The following APBA3 variants were observed in gnomAD, a reference collection of about 807,000 sequenced individuals.
APBA3 encodes the protein amyloid-beta A4 precursor protein-binding family A member 3.
A neutral mutation model predicts 55.9 loss-of-function variants in APBA3; 45 were observed. The observed-to-expected ratio is 0.80, with a 90% confidence interval of 0.63 to 1.03. The LOEUF is 1.03. Among genes scored for constraint, APBA3 ranks in the 50% least tolerant of loss-of-function variants. The pLI, the probability that APBA3 is intolerant of heterozygous loss-of-function variation, is 0.00. For missense variants in APBA3, 865 were observed against 820.3 expected (o/e 1.05, Z -0.67); for synonymous variants, 370 against 353.3 (o/e 1.05, Z -0.53).
Position 3,752,500 on chromosome 19 carries a change from A to C in APBA3, c.1395+8T>G, listed in dbSNP as rs776786514. On this transcript the variant is annotated splice_region_variant and intron_variant, in intron 8 of 10. Coordinates refer to ENST00000316757, the MANE Select transcript of APBA3 (RefSeq NM_004886.4). ...AGTGTGGGGGCCCTGCCACACCAGG[A>C]AACTCACGCGGACAGCGGCCTGGCA... 2 of 1,562,710 alleles carry C rather than the reference A, an allele frequency of 1.3e-6. No homozygotes were observed. The highest frequency in any genetic ancestry group is 1.3e-5 in the African/African-American group (1 of 74,242).
chr19:3,754,449 G>T, intron 3 of APBA3, 109 bp from the exon 4 acceptor site: 1 of 1,410,780 alleles, frequency 7.1e-7, no homozygotes, highest in Non-Finnish European at 9.5e-7. Context: ...CTAGCTGGTG[G>T]CTTAGCACTC....
In APBA3 at chr19:3,759,862, CAGGCTCTAG is replaced by C; in HGVS notation, c.394_402del (p.Leu132_Pro134del). Reference sequence around the variant, plus strand: ...TCAGGGGGCTGCAACAGTCGGGGGGCAGGCTCTAGAGGCTCTTCAGGACCAGTCTGGGAA... The same window carrying C: ...TCAGGGGGCTGCAACAGTCGGGGGGCAGGCTCTTCAGGACCAGTCTGGGAA... On this transcript the variant is annotated inframe_deletion, in exon 2 of 11. Transcript: ENST00000316757. 1 of 1,612,622 alleles carries C rather than the reference CAGGCTCTAG, an allele frequency of 6.2e-7. No homozygotes were observed. The highest frequency in any genetic ancestry group is 8.5e-7 in the Non-Finnish European group (1 of 1,179,848).
At chr19:3,756,628 C>T (rs753949800) in intron 3 of APBA3, 2 of 151,878 alleles carry the variant, frequency 1.3e-5, no homozygotes, top group African/African-American at 2.4e-5. Flanking sequence ...GAGGCTGAGG[C>T]GAGAGAATCG....
intron 8 of APBA3, 119 bp downstream of exon 8, chr19:3,752,389 A>G: frequency 1.0e-6 from 1 of 984,910 alleles, no homozygotes; most frequent in Non-Finnish European, 1.5e-6. Flanking sequence ...GGCAGGACTT[A>G]AAAGTTCGAC....
rs781265923 is a variant in APBA3, at chr19:3,759,965, G to C, written c.300C>G (p.His100Gln). ...GGCCAGCTTCGGCAGACAGGAGCCC[G>C]TGGGCATCAGCAATCTCCTGGGAGG... is the stretch of plus-strand genomic sequence containing the variant. ...GLASQEIADA[H>Q]GLLSAEAGRD... The change falls in exon 2 of 11, where the codon CAC becomes CAG. Residue 100 changes from histidine (H) to glutamine (Q), a missense_variant. Transcript: ENST00000316757. 3.7e-6 allele frequency: 6 copies of C among 1,610,024 alleles called. No homozygotes were observed. In the South Asian group the frequency reaches 5.5e-5, roughly 15 times the overall value.
At position 3,759,996 on chromosome 19, in the gene APBA3, C is replaced by T. The variant is rs376862732; in HGVS notation, c.269G>A (p.Gly90Asp). 44 of 1,611,690 alleles carry T rather than the reference C, an allele frequency of 2.7e-5. No homozygotes were observed. The highest frequency in any genetic ancestry group is 3.6e-5 in the Non-Finnish European group (42 of 1,179,522). Residue 90 changes from glycine to aspartate, a missense_variant, in exon 2 of 11, where the codon GGC becomes GAC. Coordinates refer to ENST00000316757, the MANE Select transcript of APBA3 (RefSeq NM_004886.4). ...ATCAGCAATCTCCTGGGAGGCCAGG[C>T]CATGGCCTGTGGCAATGTGTAGGGG... ...PCPLHIATGHGLASQEIADAH... is the reference protein window; with the variant it reads ...PCPLHIATGHDLASQEIADAH...
At chr19:3,752,403 G>A in intron 8 of APBA3, 105 bp downstream of exon 8, 1 of 1,102,114 alleles carries the variant, frequency 9.1e-7, no homozygotes, top group Non-Finnish European at 1.3e-6. Flanking sequence ...GTTCGACTTT[G>A]TCCCTCCTGG....
chr19:3,755,357 C>G (rs569456894), intron 3 of APBA3: 1 of 152,282 alleles, frequency 6.6e-6, no homozygotes, highest in South Asian at 2.1e-4. Context: ...TCCTGTGGTT[C>G]TAGAATCTCC....
chr19:3,750,898 A>C lies in APBA3; in HGVS notation c.*128T>G. ...GACTTTGCCAAATGCATAAGCTTTT[A>C]CTGTTTTTATATTAGGAAATCATAC... On this transcript the variant is annotated 3_prime_UTR_variant, in exon 11 of 11. Coordinates refer to ENST00000316757, the MANE Select transcript of APBA3 (RefSeq NM_004886.4). 1 of 1,196,160 alleles carries C rather than the reference A, an allele frequency of 8.4e-7. No homozygotes were observed. Among genetic ancestry groups the C allele is most frequent in the Non-Finnish European group, 1.2e-6 (1 of 827,150 alleles). 74.1% of individuals were successfully genotyped at this position (1,196,160 alleles called of 1,614,324 possible).
intron 3 of APBA3, 43 bp from the exon 4 acceptor site, chr19:3,754,383 C>G (rs1159502591): frequency 6.5e-7 from 1 of 1,528,740 alleles, no homozygotes; most frequent in Admixed American, 2.4e-5. Flanking sequence ...GGGGCCCACT[C>G]CCACAGGCTC....
chr19:3,753,724 G>C (rs758804129), intron 6 of APBA3, 41 bp downstream of exon 6: 46 of 1,457,286 alleles, frequency 3.2e-5, no homozygotes, highest in Non-Finnish European at 4.0e-5. Context: ...GTTGCAGTGA[G>C]GAGGGCCTCA....
chr19:3,754,000 G>C lies in APBA3; in HGVS notation c.849+19C>G. The C allele has an allele frequency of 6.2e-7, 1 of 1,600,940 alleles. No individual in the cohort carries two copies. On this transcript the variant is annotated intron_variant, in intron 5 of 10. Coordinates refer to ENST00000316757, the MANE Select transcript of APBA3 (RefSeq NM_004886.4). ...CGATCACCCCACCCGCATCCCTGGG[G>C]CGGGTCCCTGCCCCGTACCTGGGAG... is the stretch of plus-strand genomic sequence containing the variant.
Position 3,754,209 on chromosome 19 carries a change from T to C in APBA3, c.748A>G (p.Met250Val), listed in dbSNP as rs757810855. Reference protein sequence around the residue: ...STRMAQAREAMDRVKAPDGET... With the variant: ...STRMAQAREAVDRVKAPDGET... ...CGCCCCCTCACCTTGACGCGGTCCATGGCCTCCCGGGCCTGGGCCATGCGC... is the reference window on the plus strand; with the variant it reads ...CGCCCCCTCACCTTGACGCGGTCCACGGCCTCCCGGGCCTGGGCCATGCGC... Residue 250 changes from methionine (M) to valine (V), a missense_variant, in exon 4 of 11, where the codon ATG (methionine) becomes GTG (valine). Met to Val is a conservative substitution (Grantham distance 21, BLOSUM62 1). Coordinates refer to ENST00000316757, the MANE Select transcript of APBA3 (RefSeq NM_004886.4). 1.9e-6 allele frequency: 3 copies of C among 1,542,256 alleles called. No individual in the cohort carries two copies. The highest frequency in any genetic ancestry group is 2.4e-5 in the South Asian group (2 of 83,756).
At position 3,753,884 on chromosome 19, in the gene APBA3, C is replaced by G; in HGVS notation, c.892G>C (p.Ala298Pro). ...AGCACCAGCACGCAGCCGATGTCGG[C>G]TGTGTAGGAGATGGTATGCAGGGCG... Reference protein sequence around the residue: ...DHALHTISYTADIGCVLVLMA... With the variant: ...DHALHTISYTPDIGCVLVLMA... Residue 298 changes from alanine to proline, a missense_variant, in exon 6 of 11, where the codon GCC becomes CCC. Ala to Pro is a conservative substitution (Grantham distance 27, BLOSUM62 -1). Transcript: ENST00000316757. 2 of 1,560,808 alleles carry G rather than the reference C, an allele frequency of 1.3e-6. No individual in the cohort carries two copies. Among genetic ancestry groups the G allele is most frequent in the South Asian group, 2.3e-5 (2 of 85,160 alleles).
chr19:3,759,251 A>G (rs1254494772), intron 3 of APBA3, among the ~76,000 whole-genome samples: 1 of 152,030 alleles, frequency 6.6e-6, no homozygotes, highest in Non-Finnish European at 1.5e-5. Context: ...AAACGCAAAA[A>G]CCATCTTTAA....
intron 3 of APBA3, among the ~76,000 whole-genome samples, chr19:3,757,174 A>C (rs545091955): frequency 4.8e-4 from 73 of 151,466 alleles, no homozygotes; most frequent in Non-Finnish European, 6.2e-4. Context: ...GTGCAGTGGC[A>C]CAATCTTAGC....
chr19:3,752,772 C>T (rs2037025395), intron 7 of APBA3, 48 bp downstream of exon 7: 10 of 1,609,410 alleles, frequency 6.2e-6, no homozygotes, highest in Non-Finnish European at 8.5e-6. Flanking sequence ...GGTGCAGGTG[C>T]ACGGGTGTGG....
intron 8 of APBA3, 200 bp from the exon 9 acceptor site, chr19:3,751,753 A>G (rs1401820202): frequency 1.6e-6 from 1 of 619,438 alleles, no homozygotes; most frequent in Admixed American, 3.6e-5. Context: ...CCCGAGCCAT[A>G]TCGCTTCCTT....
At chr19:3,760,929 C>T (rs1404943403) in intron 1 of APBA3, among the ~76,000 whole-genome samples, 1 of 151,952 alleles carries the variant, frequency 6.6e-6, no homozygotes, top group African/African-American at 2.4e-5. Flanking sequence ...AACAAACAAA[C>T]CCGAAAAACA....
Sources: gnomAD v4.1 joint callset for allele counts (sites outside exome capture counted in the v4.1 genomes callset) on GRCh38, gnomAD v4.1.1 for gene constraint, MANE v1.5 for transcripts, NCBI Gene and HGNC (gene_info 2026-07-23, HGNC 2026-07-21) for gene names.